PTK2: variants seen among roughly 807,000 people sequenced by gnomAD.
PTK2 encodes the protein protein tyrosine kinase 2.
A neutral mutation model predicts 150.1 loss-of-function variants in PTK2; 45 were observed. That is an observed-to-expected ratio of 0.30 (90% CI 0.24 to 0.38). The LOEUF is 0.38. Ranked by LOEUF, PTK2 falls within the 10% of genes least tolerant of loss-of-function variation. The pLI, the probability that PTK2 is intolerant of heterozygous loss-of-function variation, is 1.00. For synonymous variants in PTK2, 432 were observed against 449.2 expected (o/e 0.96, Z 0.48); for missense variants, 919 against 1,307.3 (o/e 0.70, Z 4.58).
At chr8:140,976,071 T>A (rs2100189172) in intron 1 of PTK2, among the ~76,000 whole-genome samples, 1 of 152,072 alleles carries the variant, frequency 6.6e-6, no homozygotes, top group Non-Finnish European at 1.5e-5. Context: ...ACATATAACC[T>A]CAAAGGCTAA....
At chr8:140,663,371 CA>C (rs1485906402) in intron 31 of PTK2, among the ~76,000 whole-genome samples, 3 of 152,126 alleles carry the variant, frequency 2.0e-5, no homozygotes, top group Admixed American at 1.3e-4. Context: ...ATAAAAAGGA[CA>C]AACAAAAAGT....
Position 140,903,427 on chromosome 8 carries a change from C to CTT in PTK2, c.-32-12659_-32-12658insAA, listed in dbSNP as rs1475490684. 3.3e-5 allele frequency among the ~76,000 whole-genome samples: 5 copies of CTT among 152,132 alleles called. 1 individual carries two copies. Among genetic ancestry groups the CTT allele is most frequent in the Non-Finnish European group, 4.4e-5 (3 of 68,038 alleles). ...GTAGCCTTGTAGGATAGGTTGAAGT[C>CTT]AGGTAGCATGATGCCTCTAGCTTTG... On this transcript the variant is annotated intron_variant, in intron 2 of 31. Coordinates refer to ENST00000522684, the Ensembl canonical transcript of PTK2.
intron 12 of PTK2, among the ~76,000 whole-genome samples, chr8:140,793,885 C>T (rs2100090046): frequency 6.6e-6 from 1 of 152,224 alleles, no homozygotes; most frequent in Admixed American, 6.5e-5. Flanking sequence ...GCCGTGCACA[C>T]AGCTGGCTGG....
chr8:140,660,163 G>C (rs1012574337), intron 31 of PTK2, among the ~76,000 whole-genome samples: 2 of 152,044 alleles, frequency 1.3e-5, no homozygotes, highest in Non-Finnish European at 2.9e-5. Flanking sequence ...GTCTCCATTT[G>C]CGCTGTTTAG....
At chr8:140,746,159 C>G (rs1196697605) in intron 18 of PTK2, among the ~76,000 whole-genome samples, 9 of 152,056 alleles carry the variant, frequency 5.9e-5, no homozygotes, top group Admixed American at 2.0e-4. Context: ...TAGTGAAACC[C>G]CGTCTCTATA....
In PTK2 at chr8:140,713,059, C is replaced by T. The variant is rs530961605; in HGVS notation, c.2142+4539G>A. On this transcript the variant is annotated intron_variant, in intron 23 of 31. Transcript: ENST00000522684. Reference sequence around the variant, plus strand: ...TAAGACATCGTGTCTAGGTGTGCAGCAGCAGGGCTAACATGCCCTTCCCAT... The same window carrying T: ...TAAGACATCGTGTCTAGGTGTGCAGTAGCAGGGCTAACATGCCCTTCCCAT... Among the ~76,000 whole-genome samples the T allele has an allele frequency of 3.3e-5, 5 of 152,338 alleles. 1 individual carries two copies. In the South Asian group the frequency reaches 1.0e-3, roughly 32 times the overall value.
chr8:140,923,865 T>C (rs2100168434), intron 2 of PTK2, among the ~76,000 whole-genome samples: 2 of 152,182 alleles, frequency 1.3e-5, no homozygotes, highest in Non-Finnish European at 2.9e-5. Context: ...CCAGGCTGCC[T>C]GGATTACAGC....
At chr8:140,847,334 A>C (rs1010822846) in intron 5 of PTK2, among the ~76,000 whole-genome samples, 7 of 152,212 alleles carry the variant, frequency 4.6e-5, no homozygotes, top group Non-Finnish European at 8.8e-5. Flanking sequence ...GTCTAAAGTA[A>C]AGAGAAGAAT....
intron 1 of PTK2, among the ~76,000 whole-genome samples, chr8:140,944,655 A>G (rs1394819031): frequency 6.6e-6 from 1 of 152,240 alleles, no homozygotes; most frequent in Non-Finnish European, 1.5e-5. Context: ...ATCACAGTGC[A>G]AATAAAGACC....
chr8:140,927,969 A>T (rs1276650866), intron 1 of PTK2, among the ~76,000 whole-genome samples: 382 of 74,820 alleles, frequency 5.1e-3, no homozygotes, highest in African/African-American at 0.012. Flanking sequence ...AAAAAAAAAA[A>T]AAAAAAATAT....
chr8:140,762,892 C>T (rs2100070181), intron 15 of PTK2, among the ~76,000 whole-genome samples: 1 of 152,128 alleles, frequency 6.6e-6, no homozygotes, highest in Non-Finnish European at 1.5e-5. Flanking sequence ...ACAATCCTCA[C>T]ACCTCAGCCT....
intron 20 of PTK2, among the ~76,000 whole-genome samples, chr8:140,740,016 T>C (rs1467223066): frequency 6.6e-6 from 1 of 152,178 alleles, no homozygotes; most frequent in African/African-American, 2.4e-5. Flanking sequence ...TAATCAGGCA[T>C]GTGAAGAGCA....
At chr8:140,761,069 C>A in intron 16 of PTK2, 96 bp downstream of exon 19, 1 of 788,802 alleles carries the variant, frequency 1.3e-6, no homozygotes, top group Non-Finnish European at 2.1e-6. Context: ...AATATTAATA[C>A]CTAGAAGAAC....
exon 32 of PTK2, chr8:140,659,290 C>A: frequency 2.4e-5 from 13 of 534,638 alleles, no homozygotes; most frequent in South Asian, 1.6e-4. Context: ...AAAAATGAAC[C>A]CAAATCAAAG....
At chr8:140,742,785 A>T (rs553563853) in intron 20 of PTK2, among the ~76,000 whole-genome samples, 1 of 152,314 alleles carries the variant, frequency 6.6e-6, no homozygotes, top group African/African-American at 2.4e-5. Flanking sequence ...GGCTGGCACG[A>T]ATCTTCTACT....
chr8:140,928,756 T>A (rs998396459), intron 1 of PTK2, among the ~76,000 whole-genome samples: 1 of 152,202 alleles, frequency 6.6e-6, no homozygotes, highest in African/African-American at 2.4e-5. Context: ...AAGTAGGTAG[T>A]AGAATGGTGG....
chr8:140,703,231 C>T (rs2100031766), intron 24 of PTK2, among the ~76,000 whole-genome samples: 1 of 151,982 alleles, frequency 6.6e-6, no homozygotes, highest in Non-Finnish European at 1.5e-5. Context: ...CCATTGCACT[C>T]CAGCCTGGGT....
intron 29 of PTK2, chr8:140,670,410 T>C (rs566878416): frequency 7.2e-6 from 1 of 138,994 alleles, no homozygotes; most frequent in Admixed American, 8.3e-5. Flanking sequence ...TGAGCTGAGA[T>C]TGTGCCACTG....
chr8:140,806,625 A>G (rs1309393837), intron 10 of PTK2, among the ~76,000 whole-genome samples: 1 of 152,320 alleles, frequency 6.6e-6, no homozygotes, highest in East Asian at 1.9e-4. Context: ...GGTCAGTCAC[A>G]TAACTTTTCC....
Sources: allele counts gnomAD v4.1 joint callset (sites outside exome capture counted in the v4.1 genomes callset), GRCh38; gene constraint gnomAD v4.1.1; transcripts MANE v1.5; gene names NCBI Gene and HGNC (gene_info 2026-07-23, HGNC 2026-07-21).